The following SVIL variants were observed in gnomAD, a reference collection of about 807,000 sequenced individuals.
SVIL encodes supervillin.
In SVIL, 101 loss-of-function variants were observed where a neutral mutation model predicts 240.4. The observed-to-expected ratio is 0.42, with a 90% CI of 0.36 to 0.50. The LOEUF (loss-of-function observed/expected upper bound fraction) is 0.50, where lower values mean the gene tolerates loss of function less well. Ranked by LOEUF, SVIL falls within the 20% of genes least tolerant of loss-of-function variation. The pLI is 0.01. For synonymous variants in SVIL, 999 were observed against 1,100.0 expected (o/e 0.91, Z 1.82); for missense variants, 2,512 against 2,818.7 (o/e 0.89, Z 2.46).
intron 21 of SVIL, among the ~76,000 whole-genome samples, chr10:29,491,468 C>A (rs1371928962): frequency 6.6e-6 from 1 of 152,194 alleles, no homozygotes; most frequent in Non-Finnish European, 1.5e-5. Context: ...CTTCGCTCGG[C>A]CTAAACTTTC....
At chr10:29,646,138 A>T (rs1031919269) in intron 3 of SVIL, among the ~76,000 whole-genome samples, 6 of 152,224 alleles carry the variant, frequency 3.9e-5, no homozygotes, top group African/African-American at 1.4e-4. Context: ...AATAAGGCAA[A>T]TAATGCGTAT....
chr10:29,659,882 G>T (rs781605308), intron 2 of SVIL, among the ~76,000 whole-genome samples: 2 of 152,126 alleles, frequency 1.3e-5, no homozygotes, highest in African/African-American at 4.8e-5. Flanking sequence ...TGAGAACTGG[G>T]CTAGATCAAT....
rs141744492 is a variant in SVIL at position 29,479,947 on chromosome 10, G to A, written c.5377+590C>T. ...GGACTCCCCCTTTCCCCAGCACCAAGCATCCAGGTGAGTGTTTTGCAATGG... is the reference window on the plus strand; with the variant it reads ...GGACTCCCCCTTTCCCCAGCACCAAACATCCAGGTGAGTGTTTTGCAATGG... On this transcript the variant is annotated intron_variant, in intron 29 of 37. Transcript: ENST00000355867. Among the ~76,000 whole-genome samples the A allele has an allele frequency of 6.4e-3, 982 of 152,274 alleles. 13 individuals carry two copies. The highest frequency in any genetic ancestry group is 0.022 in the African/African-American group (930 of 41,550).
chr10:29,659,821 A>T (rs1408421329), intron 2 of SVIL, among the ~76,000 whole-genome samples: 2 of 151,434 alleles, frequency 1.3e-5, no homozygotes, highest in African/African-American at 4.8e-5. Context: ...AAAAAAAATC[A>T]TTTTCCCTTT....
intron 16 of SVIL, 86 bp downstream of exon 16, chr10:29,522,324 T>C: frequency 8.0e-7 from 1 of 1,251,482 alleles, no homozygotes; most frequent in Non-Finnish European, 1.1e-6. Context: ...ATTTCATCTC[T>C]TTGCCCATCA....
At position 29,569,263 on chromosome 10, in the gene SVIL, T is replaced by C. The variant is rs1331216694; in HGVS notation, c.-151A>G. 2.0e-6 allele frequency: 2 copies of C among 985,718 alleles called. No individual in the cohort carries two copies. The highest frequency in any genetic ancestry group is 1.2e-4 in the Admixed American group (2 of 16,268). 61.1% of individuals were successfully genotyped at this position (985,718 alleles called of 1,614,324 possible). ...AGACAAGGCCACTTTACCTTGAAAC[T>C]TTCCTTTGACGTGGGAATCCAAGGA... On this transcript the variant is annotated 5_prime_UTR_variant, in exon 2 of 38. Coordinates refer to ENST00000355867, the MANE Select transcript of SVIL (RefSeq NM_021738.3).
In SVIL at chr10:29,493,204, A is replaced by C. The variant is rs1240078549; in HGVS notation, c.4019+10T>G. The C allele has an allele frequency of 1.9e-6, 3 of 1,612,178 alleles. No individual in the cohort carries two copies. Among genetic ancestry groups the C allele is most frequent in the Non-Finnish European group, 2.5e-6 (3 of 1,178,728 alleles). The stretch of plus-strand genomic sequence containing the variant: ...TCAGTGGAGGAAAGACGGAGACCCA[A>C]ATAACTCACTTGGGTGCATAAGGAT... On this transcript the variant is annotated intron_variant, in intron 21 of 37. Coordinates refer to ENST00000355867, the MANE Select transcript of SVIL (RefSeq NM_021738.3).
chr10:29,575,615 G>C (rs371163570), intron 1 of SVIL, among the ~76,000 whole-genome samples: 2 of 152,264 alleles, frequency 1.3e-5, no homozygotes, highest in East Asian at 3.9e-4. Flanking sequence ...TCTCTCACTG[G>C]ATGATTTAGT....
chr10:29,722,766 T>A (rs1389989315), intron 1 of SVIL, among the ~76,000 whole-genome samples: 1 of 152,222 alleles, frequency 6.6e-6, no homozygotes, highest in African/African-American at 2.4e-5. Flanking sequence ...AAAATTCTAC[T>A]GCATGAGCTT....
chr10:29,662,881 C>T (rs748357008), intron 2 of SVIL, among the ~76,000 whole-genome samples: 224 of 152,296 alleles, frequency 1.5e-3, no homozygotes, highest in Non-Finnish European at 1.8e-3. Context: ...GAGCCCAAGG[C>T]GGGAGGATCA....
chr10:29,682,324 G>A (rs1359255346), intron 2 of SVIL, among the ~76,000 whole-genome samples: 3 of 152,152 alleles, frequency 2.0e-5, no homozygotes, highest in Non-Finnish European at 2.9e-5. Flanking sequence ...CAATGATGAA[G>A]TCACAGACGA....
chr10:29,494,233 T>C (rs1948226452), intron 20 of SVIL, among the ~76,000 whole-genome samples: 2 of 152,374 alleles, frequency 1.3e-5, no homozygotes, highest in East Asian at 3.9e-4. Context: ...CATCGTTTGC[T>C]GACCCACGGG....
At position 29,671,657 on chromosome 10, in the gene SVIL, A is replaced by G. The variant is rs577129446; in HGVS notation, c.-300-13589T>C. On this transcript the variant is annotated intron_variant, in intron 2 of 35. Coordinates refer to the SVIL transcript ENST00000375400. ...GAAGACAGCAGGATTGAGGCTGTAT[A>G]CTCTAGGCTTCTCCTAGGTCATCCA... is the stretch of plus-strand genomic sequence containing the variant. 2.6e-5 allele frequency among the ~76,000 whole-genome samples: 4 copies of G among 152,282 alleles called. No homozygotes were observed. The South Asian group carries it at 8.3e-4, about 32-fold the overall frequency.
chr10:29,565,754 A>G (rs1418208522), intron 2 of SVIL, among the ~76,000 whole-genome samples: 3 of 151,502 alleles, frequency 2.0e-5, no homozygotes, highest in African/African-American at 7.3e-5. Context: ...TTAGCCAGGC[A>G]CAGTGGCACA....
chr10:29,605,671 T>C (rs1255831569), intron 1 of SVIL, among the ~76,000 whole-genome samples: 1 of 149,610 alleles, frequency 6.7e-6, no homozygotes, highest in Non-Finnish European at 1.5e-5. Context: ...CTTTAGTGGG[T>C]TTTTTCCCCT....
intron 1 of SVIL, among the ~76,000 whole-genome samples, chr10:29,703,245 G>A (rs1393602255): frequency 1.3e-5 from 2 of 151,914 alleles, no homozygotes; most frequent in Admixed American, 6.6e-5. Context: ...ATTATTTAAC[G>A]TTCCCTCTTA....
chr10:29,620,309 G>A (rs1009482843), intron 1 of SVIL, among the ~76,000 whole-genome samples: 12 of 151,816 alleles, frequency 7.9e-5, no homozygotes, highest in Admixed American at 2.0e-4. Flanking sequence ...GAAGGAAAAG[G>A]AAGGAAAAGA....
intron 1 of SVIL, among the ~76,000 whole-genome samples, chr10:29,587,843 G>A (rs10826667): frequency 0.17 from 26,249 of 151,954 alleles, 2,673 homozygotes; most frequent in African/African-American, 0.27. Flanking sequence ...TCCAGAAAAT[G>A]ATTACACACC....
At chr10:29,588,761 G>A (rs1956269651) in intron 1 of SVIL, among the ~76,000 whole-genome samples, 1 of 152,166 alleles carries the variant, frequency 6.6e-6, no homozygotes, top group African/African-American at 2.4e-5. Context: ...CAGGCTTAGG[G>A]TACCTTATGT....
Sources: gnomAD v4.1 joint callset for allele counts (sites outside exome capture counted in the v4.1 genomes callset) on GRCh38, gnomAD v4.1.1 for gene constraint, MANE v1.5 for transcripts, NCBI Gene and HGNC (gene_info 2026-07-23, HGNC 2026-07-21) for gene names.